COA8: variants seen among roughly 807,000 people sequenced by gnomAD.
COA8 encodes UPF0671 protein C14orf153.
Under a neutral mutation model 22.0 loss-of-function variants are expected in COA8, and 20 were observed. The observed-to-expected ratio is 0.91, with a 90% CI of 0.64 to 1.32. The LOEUF is 1.32. Ranked by LOEUF, COA8 falls within the 40% of genes most tolerant of loss-of-function variation. The pLI is 0.00. For synonymous variants in COA8, 105 were observed against 79.9 expected (o/e 1.31, Z -1.68); for missense variants, 266 against 230.0 (o/e 1.16, Z -1.01).
At chr14:103,572,326 T>C (rs952093158) in intron 2 of COA8, among the ~76,000 whole-genome samples, 5 of 152,170 alleles carry the variant, frequency 3.3e-5, no homozygotes, top group African/African-American at 1.2e-4. Flanking sequence ...GAAATGGTCA[T>C]TCGTAGAACC....
intron 1 of COA8, chr14:103,563,422 T>C (rs2076107856): frequency 1.9e-6 from 1 of 535,138 alleles, no homozygotes; most frequent in African/African-American, 1.9e-5. Context: ...AATGATTATT[T>C]TTTATTTTTA....
In COA8 at chr14:103,581,386, G is replaced by A. The variant is rs554369027; in HGVS notation, c.386-5888G>A. Among the ~76,000 whole-genome samples the A allele has an allele frequency of 3.3e-5, 5 of 152,076 alleles. No homozygotes were observed. The highest frequency in any genetic ancestry group is 1.9e-4 in the East Asian group (1 of 5,172). Reference sequence around the variant, plus strand: ...CGACAGTGGATCTGATCACCGAGACGGCTGCTGAGTAACTAACGAGTGGGG... The same window carrying A: ...CGACAGTGGATCTGATCACCGAGACAGCTGCTGAGTAACTAACGAGTGGGG... On this transcript the variant is annotated intron_variant, in intron 3 of 4. Coordinates refer to ENST00000409074, the MANE Select transcript of COA8 (RefSeq NM_001370595.2). The surrounding 1 kb of genome is among the most constrained non-coding windows in gnomAD (Gnocchi z 4.1).
chr14:103,573,665 G>A (rs1251719995), intron 2 of COA8, among the ~76,000 whole-genome samples: 4 of 152,008 alleles, frequency 2.6e-5, no homozygotes, highest in Non-Finnish European at 4.4e-5. Context: ...CAGTTCTCCC[G>A]CCTCAGCCTC....
rs1427313760 is a variant in COA8, at chr14:103,563,017, G to A, written c.16G>A (p.Ala6Thr). ...GCGTGGGGCCATGGTGGTCTTGCGG[G>A]CGGGGAAGAAGACCTTTCTCCCCCC... MVVLR[A>T]GKKTFLPPLC... The change falls in exon 1 of 5, where the codon GCG becomes ACG. Residue 6 changes from alanine to threonine, a missense_variant. Ala to Thr is a moderately conservative substitution (Grantham distance 58, BLOSUM62 0). Coordinates refer to ENST00000409074, the MANE Select transcript of COA8 (RefSeq NM_001370595.2). 6 of 1,557,806 alleles carry A rather than the reference G, an allele frequency of 3.9e-6. No individual in the cohort carries two copies. The highest frequency in any genetic ancestry group is 2.3e-5 in the East Asian group (1 of 43,216).
chr14:103,586,379 T>C (rs1002871722), intron 3 of COA8, among the ~76,000 whole-genome samples: 2 of 151,666 alleles, frequency 1.3e-5, no homozygotes, highest in Non-Finnish European at 2.9e-5. Context: ...AGCTAATTTT[T>C]TTATTTTTTG....
chr14:103,574,142 T>G lies in COA8; in HGVS notation c.357T>G (p.Thr119=). Residue 119 remains threonine, a synonymous_variant, in exon 3 of 5, where the codon ACT becomes ACG. Transcript: ENST00000409074. ...KEEFIHSRLK[T]KGLGLRTESG... ...AATTTATTCACTCAAGACTAAAAAC[T>G]AAAGGCCTGGGCCTGAGAACTGAAT... 1 of 1,160,412 alleles carries G rather than the reference T, an allele frequency of 8.6e-7. No homozygotes were observed. The highest frequency in any genetic ancestry group is 1.2e-6 in the Non-Finnish European group (1 of 823,230). 71.9% of individuals were successfully genotyped at this position (1,160,412 alleles called of 1,614,324 possible).
At chr14:103,573,090 A>G (rs1177286523) in intron 2 of COA8, among the ~76,000 whole-genome samples, 2 of 152,142 alleles carry the variant, frequency 1.3e-5, no homozygotes, top group Non-Finnish European at 2.9e-5. Context: ...AGAGAATTCA[A>G]AATTCTTAAC....
intron 1 of COA8, chr14:103,563,506 G>A: frequency 2.7e-6 from 1 of 367,362 alleles, no homozygotes; most frequent in South Asian, 2.3e-5. Context: ...AATTATTAGT[G>A]CTTTTCTTCA....
At chr14:103,589,243 G>A (rs556847264) in intron 4 of COA8, among the ~76,000 whole-genome samples, 1 of 152,284 alleles carries the variant, frequency 6.6e-6, no homozygotes, top group South Asian at 2.1e-4. Flanking sequence ...TTTCCTTGAA[G>A]AACTGTAATC....
chr14:103,567,364 C>A, intron 1 of COA8: 1 of 136,350 alleles, frequency 7.3e-6, no homozygotes, highest in East Asian at 2.2e-4. Context: ...CAATGCGAGA[C>A]TCTTTCTCAA....
At chr14:103,573,505 A>G (rs997365734) in intron 2 of COA8, among the ~76,000 whole-genome samples, 2 of 151,920 alleles carry the variant, frequency 1.3e-5, no homozygotes, top group Admixed American at 6.6e-5. Flanking sequence ...TGAGTGGGCT[A>G]TGTCTGGTGG....
At chr14:103,575,474 C>T (rs563160279) in intron 3 of COA8, among the ~76,000 whole-genome samples, 1 of 152,230 alleles carries the variant, frequency 6.6e-6, no homozygotes, top group South Asian at 2.1e-4. Context: ...GGCCACGGTG[C>T]CTGCAGTGGG....
Position 103,586,590 on chromosome 14 carries a change from C to G in COA8, c.386-684C>G, listed in dbSNP as rs372775555. ...TCTCTTGATCTTCTGATCGGCCCAG[C>G]CCGGCCTCCCAAAGTGCTGGAATTA... On this transcript the variant is annotated intron_variant, in intron 3 of 4. Coordinates refer to ENST00000409074, the MANE Select transcript of COA8 (RefSeq NM_001370595.2). 4.6e-5 allele frequency among the ~76,000 whole-genome samples: 7 copies of G among 151,550 alleles called. No individual in the cohort carries two copies. The East Asian group carries it at 5.8e-4, about 13-fold the overall frequency.
intron 3 of COA8, among the ~76,000 whole-genome samples, chr14:103,577,094 T>C (rs1168447523): frequency 2.6e-5 from 4 of 152,216 alleles, no homozygotes; most frequent in African/African-American, 4.8e-5. Context: ...TTTTTTGAGA[T>C]GGAGTCTCAC....
intron 4 of COA8, among the ~76,000 whole-genome samples, chr14:103,589,655 C>T (rs766257054): frequency 6.6e-6 from 1 of 152,132 alleles, no homozygotes; most frequent in Non-Finnish European, 1.5e-5. Context: ...GTGGCTCACA[C>T]CTGTAATCCC....
chr14:103,565,240 G>C (rs771606657), intron 1 of COA8, among the ~76,000 whole-genome samples: 40 of 152,090 alleles, frequency 2.6e-4, no homozygotes, highest in Non-Finnish European at 5.0e-4. Flanking sequence ...GATTATAAGT[G>C]TGAGCCACCA....
chr14:103,564,398 A>G (rs993543012), intron 1 of COA8, among the ~76,000 whole-genome samples: 1 of 151,978 alleles, frequency 6.6e-6, no homozygotes, highest in Non-Finnish European at 1.5e-5. Flanking sequence ...CAGCATCTCT[A>G]TCTTTGGGCA....
chr14:103,589,633 G>A (rs2076335344), intron 4 of COA8, among the ~76,000 whole-genome samples: 1 of 151,954 alleles, frequency 6.6e-6, no homozygotes. Context: ...TCCAAAGGAG[G>A]GGCCGGGTGC....
At chr14:103,589,266 C>G (rs1038812902) in intron 4 of COA8, among the ~76,000 whole-genome samples, 1 of 152,140 alleles carries the variant, frequency 6.6e-6, no homozygotes, top group Non-Finnish European at 1.5e-5. Context: ...CATGGGCTAC[C>G]GGTTTTCTTC....
Sources: allele counts gnomAD v4.1 joint callset (sites outside exome capture counted in the v4.1 genomes callset), GRCh38; gene constraint gnomAD v4.1.1; non-coding constraint Gnocchi (gnomAD v3.1); transcripts MANE v1.5; gene names NCBI Gene and HGNC (gene_info 2026-07-23, HGNC 2026-07-21).